Variants in HIRA observed in about 807,000 individuals in gnomAD.
HIRA encodes the protein protein HIRA.
HIRA carries 13 observed loss-of-function variants against 126.6 expected under a neutral mutation model. That is an observed-to-expected ratio of 0.10 (90% CI 0.07 to 0.16). The LOEUF is 0.16. Among genes scored for constraint, HIRA ranks in the 10% least tolerant of loss-of-function variants. The pLI is 1.00. For missense variants in HIRA, 834 were observed against 1,314.4 expected (o/e 0.63, Z 5.65); for synonymous variants, 511 against 520.0 (o/e 0.98, Z 0.24).
At chr22:19,363,391 G>A (rs530864502) in intron 15 of HIRA, among the ~76,000 whole-genome samples, 203 of 152,278 alleles carry the variant, frequency 1.3e-3, no homozygotes, top group Non-Finnish European at 1.3e-3. Flanking sequence ...AGGACTGCTC[G>A]AGCCCAGAGG....
At chr22:19,398,784 C>G (rs928548772) in intron 5 of HIRA, among the ~76,000 whole-genome samples, 1 of 152,104 alleles carries the variant, frequency 6.6e-6, no homozygotes, top group Non-Finnish European at 1.5e-5. Context: ...CAATACCAGC[C>G]TAGGCAACAT....
chr22:19,394,553 T>C (rs1473055948), intron 7 of HIRA, 44 bp from the exon 8 acceptor site: 1 of 1,591,094 alleles, frequency 6.3e-7, no homozygotes, highest in Non-Finnish European at 8.6e-7. Flanking sequence ...AGGCCACCTT[T>C]GTGACCAAAA....
chr22:19,358,226 G>C (rs1429379818), intron 18 of HIRA, among the ~76,000 whole-genome samples: 4 of 152,216 alleles, frequency 2.6e-5, no homozygotes, highest in Non-Finnish European at 5.9e-5. Flanking sequence ...TACTGTGACT[G>C]AATTCTATCT....
chr22:19,357,022 C>T lies in HIRA; in HGVS notation c.2264G>A (p.Arg755Lys). The T allele has an allele frequency of 1.9e-6, 3 of 1,614,080 alleles. No individual in the cohort carries two copies. Among genetic ancestry groups the T allele is most frequent in the Non-Finnish European group, 1.7e-6 (2 of 1,180,014 alleles). ...ACAGGTGGAGAACACTGACAGCATC[C>T]TTTTTTCACAGGCGACACACACCAC... is the stretch of plus-strand genomic sequence containing the variant. ...CDVVCVACEK[R>K]MLSVFSTCGR... Residue 755 changes from arginine (R) to lysine (K), a missense_variant, in exon 19 of 25, where the codon AGG (arginine) becomes AAG (lysine). By Grantham distance (26) the Arg-to-Lys change is conservative (BLOSUM62 2). This residue lies in a region of HIRA where 468 missense variants were observed against 574.2 expected (regional missense o/e 0.82). Coordinates refer to ENST00000263208, the MANE Select transcript of HIRA (RefSeq NM_003325.4).
intron 24 of HIRA, among the ~76,000 whole-genome samples, chr22:19,349,885 C>T (rs1407935201): frequency 6.6e-6 from 1 of 152,230 alleles, no homozygotes; most frequent in Non-Finnish European, 1.5e-5. Flanking sequence ...CAGGCCTTTG[C>T]ACTTTCCCTC....
intron 9 of HIRA, 85 bp from the exon 10 acceptor site, chr22:19,388,639 G>T: frequency 1.9e-6 from 2 of 1,036,424 alleles, no homozygotes; most frequent in Non-Finnish European, 3.0e-6. Flanking sequence ...CAACCTAGAA[G>T]CCTGGGTCAA....
intron 1 of HIRA, among the ~76,000 whole-genome samples, chr22:19,413,876 C>T (rs1167545206): frequency 6.6e-6 from 1 of 152,048 alleles, no homozygotes; most frequent in Non-Finnish European, 1.5e-5. Context: ...TCCCAAAGTG[C>T]TGGGATTACA....
chr22:19,335,879 G>A (rs1556005842), intron 24 of HIRA, among the ~76,000 whole-genome samples: 1 of 152,104 alleles, frequency 6.6e-6, no homozygotes, highest in African/African-American at 2.4e-5. Flanking sequence ...ACCTCTAGTG[G>A]GCATTTGATT....
Position 19,420,694 on chromosome 22 carries a change from G to A in HIRA, c.38-9916C>T, listed in dbSNP as rs143259405. 2.7e-3 allele frequency among the ~76,000 whole-genome samples: 407 copies of A among 149,930 alleles called. 4 individuals are homozygous for A. Among genetic ancestry groups the A allele is most frequent in the African/African-American group, 0.01 (396 of 39,564 alleles). On this transcript the variant is annotated intron_variant, in intron 1 of 24. Transcript: ENST00000263208. ...CATGCCACTGTACTCCATTCTGAGC[G>A]ACAAAGTAAGACCTTGTCTTTAAAA...
chr22:19,335,247 CTT>C (rs112049352), intron 24 of HIRA, among the ~76,000 whole-genome samples: 7 of 144,946 alleles, frequency 4.8e-5, no homozygotes, highest in Admixed American at 6.9e-5. Context: ...AACTTTTTGA[CTT>C]TTTTTTTTTT....
At position 19,377,537 on chromosome 22, in the gene HIRA, C is replaced by T. The variant is rs116372268; in HGVS notation, c.1613+332G>A. ...CAGCAGAGTGAAGTGGAAGCTGAGG[C>T]CCCAGAAATGTGAAGCACCTCCAGT... On this transcript the variant is annotated intron_variant, in intron 14 of 24. Transcript: ENST00000263208. Among the ~76,000 whole-genome samples the T allele has an allele frequency of 6.8e-3, 1,037 of 152,084 alleles. 8 individuals carry two copies. The highest frequency in any genetic ancestry group is 0.023 in the African/African-American group (963 of 41,454).
chr22:19,375,400 T>C (rs554000769), intron 15 of HIRA, among the ~76,000 whole-genome samples: 70 of 152,206 alleles, frequency 4.6e-4, no homozygotes, highest in Non-Finnish European at 8.5e-4. Context: ...CTTGTGGTTC[T>C]TTTGCCGCGT....
At chr22:19,384,660 CT>C (rs938408159) in intron 12 of HIRA, among the ~76,000 whole-genome samples, 141 of 144,392 alleles carry the variant, frequency 9.8e-4, no homozygotes, top group Non-Finnish European at 8.4e-4. Flanking sequence ...TTCTTTCTTT[CT>C]TTTTTTTTTT....
At chr22:19,371,790 C>A (rs1037525655) in intron 15 of HIRA, among the ~76,000 whole-genome samples, 7 of 152,186 alleles carry the variant, frequency 4.6e-5, no homozygotes, top group African/African-American at 1.7e-4. Flanking sequence ...GTTATTGTAG[C>A]ACATGTAAGC....
intron 24 of HIRA, among the ~76,000 whole-genome samples, chr22:19,332,844 A>T (rs2088508252): frequency 6.6e-6 from 1 of 152,096 alleles, no homozygotes; most frequent in Non-Finnish European, 1.5e-5. Flanking sequence ...AAAGGAGATA[A>T]TAAAAATTGA....
chr22:19,368,725 T>C (rs987814630), intron 15 of HIRA, among the ~76,000 whole-genome samples: 8 of 152,176 alleles, frequency 5.3e-5, no homozygotes, highest in African/African-American at 1.9e-4. Flanking sequence ...GTAACTATCG[T>C]TTTGTAAAAT....
At chr22:19,334,735 A>G (rs1273677203) in intron 24 of HIRA, among the ~76,000 whole-genome samples, 1 of 152,096 alleles carries the variant, frequency 6.6e-6, no homozygotes, top group Non-Finnish European at 1.5e-5. Flanking sequence ...TTTTACTTTT[A>G]AGCCATTGTG....
intron 1 of HIRA, among the ~76,000 whole-genome samples, chr22:19,423,486 C>A (rs1190413819): frequency 2.2e-5 from 2 of 92,418 alleles, no homozygotes; most frequent in Non-Finnish European, 4.6e-5. Flanking sequence ...CATGCATACA[C>A]ACACACACAC....
chr22:19,426,825 G>A (rs1021931073), intron 1 of HIRA, among the ~76,000 whole-genome samples: 1 of 152,216 alleles, frequency 6.6e-6, no homozygotes, highest in African/African-American at 2.4e-5. Flanking sequence ...TAAGTCAGGA[G>A]AGAAATTGCT....
Sources: allele counts gnomAD v4.1 joint callset (sites outside exome capture counted in the v4.1 genomes callset), GRCh38; gene constraint gnomAD v4.1.1; regional missense constraint gnomAD v4.1.1; transcripts MANE v1.5; gene names NCBI Gene and HGNC (gene_info 2026-07-23, HGNC 2026-07-21).